Variants in PACRG observed in about 807,000 individuals in gnomAD.
PACRG encodes the protein parkin coregulated, also known as parkin coregulated gene protein.
In PACRG, 29 loss-of-function variants were observed where a neutral mutation model predicts 29.7. The ratio of observed to expected loss-of-function variants is 0.98; its 90% confidence interval spans 0.73 to 1.33. The LOEUF (loss-of-function observed/expected upper bound fraction) is 1.33. PACRG is among the 40% of genes most tolerant of loss of function. PACRG has a pLI of 0.00. For missense variants in PACRG, 279 were observed against 316.2 expected (o/e 0.88, Z 0.89); for synonymous variants, 116 against 118.7 (o/e 0.98, Z 0.15).
chr6:163,124,951 T>C (rs1254412779), intron 4 of PACRG, among the ~76,000 whole-genome samples: 1 of 152,142 alleles, frequency 6.6e-6, no homozygotes. Context: ...CTCATGAAAA[T>C]ATAGCAAATA....
chr6:163,124,365 A>T (rs1019259363), intron 4 of PACRG, among the ~76,000 whole-genome samples: 11 of 151,792 alleles, frequency 7.2e-5, no homozygotes, highest in South Asian at 4.1e-4. Context: ...GTTTTTTTTT[A>T]AATTAGGAAA....
At chr6:163,181,160 G>A (rs1021608224) in intron 4 of PACRG, among the ~76,000 whole-genome samples, 2 of 152,158 alleles carry the variant, frequency 1.3e-5, no homozygotes, top group South Asian at 2.1e-4. Flanking sequence ...GATAACTATC[G>A]CTGGAACCAG....
intron 1 of PACRG, among the ~76,000 whole-genome samples, chr6:162,792,968 G>T (rs74441907): frequency 0.011 from 1,740 of 152,270 alleles, 30 homozygotes; most frequent in African/African-American, 0.04. Context: ...TGAGGTATTG[G>T]TTGGCCATGA....
At chr6:163,082,420 G>T (rs1813166775) in intron 3 of PACRG, among the ~76,000 whole-genome samples, 1 of 152,090 alleles carries the variant, frequency 6.6e-6, no homozygotes, top group Non-Finnish European at 1.5e-5. Flanking sequence ...ATAATTGAGA[G>T]AATATTGAGA....
chr6:162,911,353 T>C (rs561093039), intron 2 of PACRG, among the ~76,000 whole-genome samples: 39 of 152,322 alleles, frequency 2.6e-4, no homozygotes, highest in African/African-American at 9.4e-4. Context: ...CTTCTGAAAA[T>C]AATTCTTACT....
intron 2 of PACRG, among the ~76,000 whole-genome samples, chr6:162,871,637 G>A (rs897831231): frequency 2.0e-5 from 3 of 152,100 alleles, no homozygotes; most frequent in African/African-American, 4.8e-5. Context: ...ACTACTTCTC[G>A]GCTGGGCGCG....
intron 2 of PACRG, among the ~76,000 whole-genome samples, chr6:163,000,803 A>G (rs1401580621): frequency 6.6e-6 from 1 of 152,212 alleles, no homozygotes; most frequent in African/African-American, 2.4e-5. Context: ...AGACACAACA[A>G]TGAAAGATGC....
At chr6:162,896,709 T>C (rs1180746374) in intron 2 of PACRG, among the ~76,000 whole-genome samples, 2 of 152,242 alleles carry the variant, frequency 1.3e-5, no homozygotes, top group Admixed American at 6.5e-5. Context: ...TATGACACAA[T>C]CTGTAGCAAT....
At chr6:162,742,601 C>CT (rs1445527364) in intron 1 of PACRG, among the ~76,000 whole-genome samples, 16 of 151,324 alleles carry the variant, frequency 1.1e-4, no homozygotes, top group Non-Finnish European at 8.8e-5. Context: ...GACAGGATTT[C>CT]TTTTTTTTTC....
At chr6:163,214,088 C>T (rs537022651) in intron 4 of PACRG, among the ~76,000 whole-genome samples, 6 of 152,130 alleles carry the variant, frequency 3.9e-5, no homozygotes, top group Non-Finnish European at 7.4e-5. Flanking sequence ...TAACATGCTT[C>T]GGTAGAGTAT....
chr6:162,924,852 T>G (rs1797316904), intron 2 of PACRG, among the ~76,000 whole-genome samples: 1 of 151,990 alleles, frequency 6.6e-6, no homozygotes, highest in African/African-American at 2.4e-5. Context: ...CGAAAAGTCC[T>G]TCAAAAAAAT....
rs555899948 is a variant in PACRG at position 162,895,970 on chromosome 6, A to T, written c.291+81689A>T. Among the ~76,000 whole-genome samples, 299 of 152,308 alleles carry T rather than the reference A, an allele frequency of 2.0e-3. 1 individual carries two copies. Among genetic ancestry groups the T allele is most frequent in the African/African-American group, 7.0e-3 (291 of 41,564 alleles). On this transcript the variant is annotated intron_variant, in intron 2 of 4. Transcript: ENST00000366888. ...AGGCTTTTTTCTTCTTTTACAGAATAATATTGTTCATGATCAACACAGATT... is the reference window on the plus strand; with the variant it reads ...AGGCTTTTTTCTTCTTTTACAGAATTATATTGTTCATGATCAACACAGATT...
chr6:162,841,463 G>A (rs1441153850), intron 2 of PACRG, among the ~76,000 whole-genome samples: 1 of 152,036 alleles, frequency 6.6e-6, no homozygotes, highest in Non-Finnish European at 1.5e-5. Context: ...ATATTTTATT[G>A]CATCTATTAG....
chr6:163,030,250 G>T (rs1807534924), intron 2 of PACRG, among the ~76,000 whole-genome samples: 1 of 152,108 alleles, frequency 6.6e-6, no homozygotes, highest in Non-Finnish European at 1.5e-5. Flanking sequence ...TCACCTTGTG[G>T]ATGAGCATGG....
In PACRG at chr6:162,826,540, C is replaced by T. The variant is rs912648262; in HGVS notation, c.291+12259C>T. ...GTGCAATGGTGCAATCTCGGCTCAT[C>T]GCAACCTCTATCACCTGGGTTCAAG... is the stretch of plus-strand genomic sequence containing the variant. On this transcript the variant is annotated intron_variant, in intron 2 of 4. Transcript: ENST00000366888. Among the ~76,000 whole-genome samples, 12 of 149,056 alleles carry T rather than the reference C, an allele frequency of 8.1e-5. No homozygotes were observed. In the East Asian group the frequency reaches 1.2e-3, roughly 15 times the overall value.
In PACRG at chr6:162,996,463, A is replaced by C. The variant is rs1804063257; in HGVS notation, c.292-65687A>C. On this transcript the variant is annotated intron_variant, in intron 2 of 4. Coordinates refer to ENST00000366888, the MANE Select transcript of PACRG (RefSeq NM_001080379.2). ...GCTTTGATCCAAAATAGACCCCCCC[A>C]AAACCATTATACACAAAGATGCTCT... Among the ~76,000 whole-genome samples, 3 of 152,152 alleles carry C rather than the reference A, an allele frequency of 2.0e-5. No homozygotes were observed. The South Asian group carries it at 6.2e-4, about 32-fold the overall frequency.
intron 4 of PACRG, among the ~76,000 whole-genome samples, chr6:163,253,092 G>T (rs1303110051): frequency 6.6e-6 from 1 of 151,912 alleles, no homozygotes; most frequent in Non-Finnish European, 1.5e-5. Context: ...AGGCCAGGAG[G>T]TCGAGACCAG....
At chr6:163,233,239 A>T (rs1283737042) in intron 4 of PACRG, among the ~76,000 whole-genome samples, 2 of 152,170 alleles carry the variant, frequency 1.3e-5, no homozygotes, top group African/African-American at 4.8e-5. Flanking sequence ...AGGAGATTTA[A>T]ATTATTTAGG....
intron 2 of PACRG, among the ~76,000 whole-genome samples, chr6:163,056,566 G>T (rs780630063): frequency 7.9e-5 from 12 of 152,108 alleles, no homozygotes; most frequent in Non-Finnish European, 1.5e-4. Context: ...GTGATGAGAT[G>T]ATATGGTAGA....
Sources: allele counts gnomAD v4.1 joint callset (sites outside exome capture counted in the v4.1 genomes callset), GRCh38; gene constraint gnomAD v4.1.1; transcripts MANE v1.5; gene names NCBI Gene and HGNC (gene_info 2026-07-23, HGNC 2026-07-21).